The following MRTFB variants were observed in gnomAD, a reference collection of about 807,000 sequenced individuals.
The protein encoded by MRTFB is myocardin related transcription factor B.
In MRTFB, 29 loss-of-function variants were observed where a neutral mutation model predicts 104.2. The ratio of observed to expected loss-of-function variants is 0.28; its 90% confidence interval spans 0.21 to 0.38. The LOEUF (loss-of-function observed/expected upper bound fraction) is 0.38. Ranked by LOEUF, MRTFB falls within the 10% of genes least tolerant of loss-of-function variation. The pLI is 1.00. For missense variants in MRTFB, 1,270 were observed against 1,341.6 expected (o/e 0.95, Z 0.83); for synonymous variants, 535 against 519.5 (o/e 1.03, Z -0.41).
chr16:14,036,348 C>T, the MRTFB span, among the ~76,000 whole-genome samples: 2 of 115,404 alleles, frequency 1.7e-5, no homozygotes, highest in Non-Finnish European at 3.6e-5. Context: ...TGGGCAGTTC[C>T]ATCTGGGTGT....
the MRTFB span, among the ~76,000 whole-genome samples, chr16:14,035,213 A>G: frequency 6.6e-6 from 1 of 152,184 alleles, no homozygotes; most frequent in Non-Finnish European, 1.5e-5. Context: ...ATCCTCCCTG[A>G]GCCCCTGTGA....
At chr16:14,225,565 A>C (rs1181082493) in intron 8 of MRTFB, among the ~76,000 whole-genome samples, 1 of 152,232 alleles carries the variant, frequency 6.6e-6, no homozygotes, top group African/African-American at 2.4e-5. Context: ...AAAGAGGCTG[A>C]CAAACCCAGT....
intron 8 of MRTFB, among the ~76,000 whole-genome samples, chr16:14,227,404 G>A (rs1337981861): frequency 6.6e-6 from 1 of 152,212 alleles, no homozygotes; most frequent in Non-Finnish European, 1.5e-5. Flanking sequence ...ATGAGTGGAA[G>A]CAGCCTGAGG....
At chr16:14,224,937 CA>C (rs1307224290) in intron 8 of MRTFB, among the ~76,000 whole-genome samples, 1 of 152,154 alleles carries the variant, frequency 6.6e-6, no homozygotes. Flanking sequence ...GTAATCCCAG[CA>C]CACTTTGGGA....
At chr16:14,120,023 C>T (rs750488564) in intron 2 of MRTFB, among the ~76,000 whole-genome samples, 11 of 152,182 alleles carry the variant, frequency 7.2e-5, no homozygotes, top group Non-Finnish European at 1.5e-5. Context: ...CAAATTTTTG[C>T]CAATGTGAAA....
intron 2 of MRTFB, among the ~76,000 whole-genome samples, chr16:14,132,145 A>T (rs2037471191): frequency 1.3e-5 from 2 of 152,236 alleles, no homozygotes; most frequent in Admixed American, 1.3e-4. Context: ...AATCTTGAAA[A>T]TATTATGTTA....
the MRTFB span, among the ~76,000 whole-genome samples, chr16:14,017,711 A>ATT: frequency 2.7e-4 from 9 of 33,596 alleles, 1 homozygote; most frequent in African/African-American, 1.3e-3. Flanking sequence ...ATATATATAT[A>ATT]TTTTTTTTTT....
At chr16:14,212,087 G>A (rs1283244473) in intron 4 of MRTFB, among the ~76,000 whole-genome samples, 5 of 152,304 alleles carry the variant, frequency 3.3e-5, no homozygotes, top group Admixed American at 1.3e-4. Context: ...GATTTGCTAT[G>A]AGTAGTCAGA....
chr16:14,250,081 A>G (rs554131283), intron 13 of MRTFB, among the ~76,000 whole-genome samples: 17 of 152,248 alleles, frequency 1.1e-4, no homozygotes, highest in South Asian at 2.1e-4. Flanking sequence ...AAAGGAAAAA[A>G]TAATATGTAG....
At chr16:14,132,458 T>C (rs2037488618) in intron 2 of MRTFB, among the ~76,000 whole-genome samples, 1 of 152,208 alleles carries the variant, frequency 6.6e-6, no homozygotes, top group African/African-American at 2.4e-5. Flanking sequence ...AAAATTAGAA[T>C]AGATGATCTC....
chr16:14,183,628 G>A (rs79588075), intron 3 of MRTFB, among the ~76,000 whole-genome samples: 6,385 of 151,906 alleles, frequency 0.042, 409 homozygotes, highest in African/African-American at 0.14. Flanking sequence ...CTTGTTTGTA[G>A]GAATTACACA....
intron 3 of MRTFB, among the ~76,000 whole-genome samples, chr16:14,163,950 G>A (rs1031406311): frequency 6.6e-6 from 1 of 152,092 alleles, no homozygotes; most frequent in African/African-American, 2.4e-5. Flanking sequence ...ACATATTTAT[G>A]GGAGTGGTGT....
At chr16:13,998,871 CAA>C in the MRTFB span, among the ~76,000 whole-genome samples, 147 of 29,584 alleles carry the variant, frequency 5.0e-3, 1 homozygote, top group Admixed American at 7.1e-3. Flanking sequence ...GACTCTGTTT[CAA>C]AAAAAAAAAA....
chr16:14,245,734 C>T (rs2151395753), intron 11 of MRTFB, 74 bp downstream of exon 11: 1 of 1,506,628 alleles, frequency 6.6e-7, no homozygotes, highest in South Asian at 1.3e-5. Context: ...CGTTGTCTAG[C>T]AGACATTAAG....
intron 9 of MRTFB, among the ~76,000 whole-genome samples, chr16:14,238,328 A>C (rs1567203229): frequency 6.6e-6 from 1 of 152,036 alleles, no homozygotes; most frequent in African/African-American, 2.4e-5. Context: ...TCTATGACAA[A>C]GGGGGGGACT....
At chr16:14,138,550 T>C (rs1324335003) in intron 2 of MRTFB, among the ~76,000 whole-genome samples, 1 of 152,210 alleles carries the variant, frequency 6.6e-6, no homozygotes, top group Non-Finnish European at 1.5e-5. Flanking sequence ...GAGCAGGCAG[T>C]TAAGTTTGCT....
At chr16:14,251,229 T>A (rs2043240570) in intron 13 of MRTFB, among the ~76,000 whole-genome samples, 1 of 151,696 alleles carries the variant, frequency 6.6e-6, no homozygotes, top group South Asian at 2.1e-4. Flanking sequence ...TACAAAAAAT[T>A]AGTTGGGTGT....
In MRTFB at chr16:14,240,004, C is replaced by A. The variant is rs553929374; in HGVS notation, c.832-233C>A. 5.3e-5 allele frequency among the ~76,000 whole-genome samples: 8 copies of A among 152,332 alleles called. No homozygotes were observed. In the East Asian group the frequency reaches 9.6e-4, roughly 18 times the overall value. ...TTGAGTTTGAACAGCTCATGCTGAGCATCTTGCCCATACCCTGAGGGAACA... is the reference window on the plus strand; with the variant it reads ...TTGAGTTTGAACAGCTCATGCTGAGAATCTTGCCCATACCCTGAGGGAACA... On this transcript the variant is annotated intron_variant, in intron 9 of 16. Coordinates refer to ENST00000571589, the MANE Select transcript of MRTFB (RefSeq NM_001308142.2).
chr16:14,229,209 A>G (rs2042149336), intron 8 of MRTFB, among the ~76,000 whole-genome samples: 1 of 152,146 alleles, frequency 6.6e-6, no homozygotes, highest in Non-Finnish European at 1.5e-5. Flanking sequence ...ATATTCACTT[A>G]CTTATTCTAA....
Sources: allele counts gnomAD v4.1 joint callset (sites outside exome capture counted in the v4.1 genomes callset), GRCh38; gene constraint gnomAD v4.1.1; transcripts MANE v1.5; gene names NCBI Gene and HGNC (gene_info 2026-07-23, HGNC 2026-07-21).